Variants in CENPP observed in about 807,000 individuals in gnomAD.
CENPP encodes the protein centromere protein P.
A neutral mutation model predicts 35.6 loss-of-function variants in CENPP; 24 were observed. The ratio of observed to expected loss-of-function variants is 0.67; its 90% CI spans 0.49 to 0.95. The LOEUF (loss-of-function observed/expected upper bound fraction) is 0.95. Ranked by LOEUF, CENPP falls within the 40% of genes least tolerant of loss-of-function variation. The pLI is 0.00. For missense variants in CENPP, 332 were observed against 345.3 expected, an observed-to-expected ratio of 0.96 and a Z score of 0.31; for synonymous variants, 120 against 125.5, an observed-to-expected ratio of 0.96 and a Z score of 0.29.
rs1417872521 is a variant in CENPP at position 92,614,713 on chromosome 9, C to T, written c.*1564C>T. The T allele has an allele frequency of 5.2e-5, 8 of 152,744 alleles. No homozygotes were observed. In the East Asian group the frequency reaches 1.5e-3, roughly 29 times the overall value. The allele number at this position is 152,744 out of a possible 1,614,324, so 9.5% of individuals were successfully genotyped here. A position where few individuals can be genotyped will look rare whatever the true frequency, so the allele number is the denominator to read the frequency against. On this transcript the variant is annotated 3_prime_UTR_variant, in exon 8 of 8. Coordinates refer to ENST00000375587, the MANE Select transcript of CENPP (RefSeq NM_001012267.3). ...TGTTACAATAAGCCTCCATTAGTCC[C>T]TCAAAACGATGATATAAATAAGTCT...
chr9:92,367,992 T>A (rs986704902), intron 4 of CENPP, among the ~76,000 whole-genome samples: 31 of 152,244 alleles, frequency 2.0e-4, no homozygotes, highest in South Asian at 4.1e-4. Flanking sequence ...TTGCTTTTTT[T>A]AAAAAGCTGG....
At chr9:92,381,693 G>T (rs1043723895) in intron 5 of CENPP, among the ~76,000 whole-genome samples, 3 of 152,106 alleles carry the variant, frequency 2.0e-5, no homozygotes, top group African/African-American at 7.2e-5. Context: ...GAACATTAGT[G>T]TACTGATATC....
intron 4 of CENPP, among the ~76,000 whole-genome samples, chr9:92,372,130 T>TTTTTTTTTTTTTTTTTTCTTTA (rs1842025391): frequency 8.7e-6 from 1 of 114,882 alleles, no homozygotes; most frequent in Non-Finnish European, 1.8e-5. Context: ...TTTTTTTTTT[T>TTTTTTTTTTTTTTTTTTCTTTA]TAACTGTTCT....
intron 5 of CENPP, among the ~76,000 whole-genome samples, chr9:92,394,584 A>G (rs931875908): frequency 5.9e-5 from 9 of 151,264 alleles, no homozygotes; most frequent in African/African-American, 2.2e-4. Flanking sequence ...TCAAATAAAC[A>G]TGTCAAATTT....
chr9:92,425,828 T>A (rs1443652553), intron 5 of CENPP, among the ~76,000 whole-genome samples: 1 of 152,240 alleles, frequency 6.6e-6, no homozygotes, highest in Non-Finnish European at 1.5e-5. Context: ...TGTTAGTGTC[T>A]TTGTTCTTAA....
intron 5 of CENPP, among the ~76,000 whole-genome samples, chr9:92,561,180 A>C (rs1849839236): frequency 6.6e-6 from 1 of 152,188 alleles, no homozygotes; most frequent in Non-Finnish European, 1.5e-5. Flanking sequence ...AGCTTCATAC[A>C]CAGCTTAAAT....
At chr9:92,466,475 GT>G (rs750143544) in intron 5 of CENPP, 1 of 1,612,084 alleles carries the variant, frequency 6.2e-7, no homozygotes. Flanking sequence ...ATTTCACTTA[GT>G]TGATTGTGGG....
At chr9:92,396,714 GC>G (rs1429726685) in intron 5 of CENPP, among the ~76,000 whole-genome samples, 6 of 151,798 alleles carry the variant, frequency 4.0e-5, no homozygotes, top group Admixed American at 3.9e-4. Context: ...ACAGGTTTGT[GC>G]CACCACACCT....
intron 5 of CENPP, among the ~76,000 whole-genome samples, chr9:92,440,383 A>AAATCAATC (rs1554763253): frequency 2.3e-4 from 35 of 151,890 alleles, no homozygotes; most frequent in African/African-American, 7.5e-4. Flanking sequence ...ATAAATAAAT[A>AAATCAATC]AATCACAAGA....
chr9:92,581,146 A>G (rs1487839538), intron 5 of CENPP, among the ~76,000 whole-genome samples: 1 of 152,104 alleles, frequency 6.6e-6, no homozygotes, highest in African/African-American at 2.4e-5. Flanking sequence ...TTCTAGTTTG[A>G]TTGCACTGTG....
intron 5 of CENPP, chr9:92,464,805 G>T: frequency 1.2e-6 from 1 of 813,092 alleles, no homozygotes; most frequent in Non-Finnish European, 2.2e-6. Context: ...CAGATTTACT[G>T]GTGCAAAGAT....
In CENPP at chr9:92,502,391, T is replaced by A. The variant is rs1221929940; in HGVS notation, c.565-108923T>A. 5.6e-6 allele frequency: 7 copies of A among 1,240,062 alleles called. No individual in the cohort carries two copies. The East Asian group carries it at 1.7e-4, about 31-fold the overall frequency. 76.8% of individuals were successfully genotyped at this position (1,240,062 alleles called of 1,614,324 possible). On this transcript the variant is annotated intron_variant, in intron 5 of 7. Transcript: ENST00000375587. ...AAGGGTTCACTAAGAAACGATTCTG[T>A]CTCCGAGCCCTTCAGTATCGTCACC...
intron 5 of CENPP, among the ~76,000 whole-genome samples, chr9:92,566,011 A>T (rs540762358): frequency 1.2e-4 from 19 of 152,218 alleles, no homozygotes; most frequent in Non-Finnish European, 2.4e-4. Context: ...TGTAAGACAT[A>T]CAAAGAAGCG....
chr9:92,560,868 C>CT lies in CENPP; in HGVS notation c.565-50425dup, dbSNP rs58467942. Among the ~76,000 whole-genome samples, 396 of 126,104 alleles carry CT rather than the reference C, an allele frequency of 3.1e-3. 2 individuals are homozygous for CT. The highest frequency in any genetic ancestry group is 5.4e-3 in the African/African-American group (182 of 33,842). 82.7% of individuals were successfully genotyped at this position (126,104 alleles called of 152,430 possible). A position where few individuals can be genotyped will look rare whatever the true frequency, so the allele number is the denominator to read the frequency against. ...TCTATGCAGCCTTCCTTTTTCTTGT[C>CT]TTTTTTTTTTTTTTTTTTTTTAAAT... On this transcript the variant is annotated intron_variant, in intron 5 of 7. Coordinates refer to ENST00000375587, the MANE Select transcript of CENPP (RefSeq NM_001012267.3).
chr9:92,336,890 C>T (rs1444084398), intron 2 of CENPP, among the ~76,000 whole-genome samples: 2 of 152,042 alleles, frequency 1.3e-5, no homozygotes, highest in East Asian at 1.9e-4. Context: ...CAGAGGTGAA[C>T]GCATGGATTC....
chr9:92,419,449 C>G (rs1185767931), intron 5 of CENPP, among the ~76,000 whole-genome samples: 1 of 151,838 alleles, frequency 6.6e-6, no homozygotes, highest in Admixed American at 6.6e-5. Context: ...TACAGGTGCA[C>G]TCCACCACAC....
chr9:92,372,075 GGTGTAAGC>G (rs1368429542), intron 4 of CENPP, among the ~76,000 whole-genome samples: 1 of 129,854 alleles, frequency 7.7e-6, no homozygotes, highest in Non-Finnish European at 1.6e-5. Flanking sequence ...TGGGATTACA[GGTGTAAGC>G]CACCATGCCA....
chr9:92,510,080 G>T (rs1847243994), intron 5 of CENPP: 1 of 1,553,940 alleles, frequency 6.4e-7, no homozygotes, highest in Non-Finnish European at 8.6e-7. Flanking sequence ...AGTCACAGCT[G>T]TGCAGTCACA....
chr9:92,370,894 T>C (rs1841990945), intron 4 of CENPP, among the ~76,000 whole-genome samples: 1 of 152,216 alleles, frequency 6.6e-6, no homozygotes, highest in South Asian at 2.1e-4. Flanking sequence ...TTACAGCTTG[T>C]CCTTATAAGT....
Sources: gnomAD v4.1 joint callset for allele counts (sites outside exome capture counted in the v4.1 genomes callset) on GRCh38, gnomAD v4.1.1 for gene constraint, MANE v1.5 for transcripts, NCBI Gene and HGNC (gene_info 2026-07-23, HGNC 2026-07-21) for gene names.